The following SRRM4 variants were observed in gnomAD, a reference collection of about 807,000 sequenced individuals.
The protein encoded by SRRM4 is serine/arginine repetitive matrix protein 4.
In SRRM4, 33 loss-of-function variants were observed where a neutral mutation model predicts 68.9. That is an observed-to-expected ratio of 0.48 (90% CI 0.36 to 0.64). The LOEUF (loss-of-function observed/expected upper bound fraction) is 0.64, where lower values mean the gene tolerates loss of function less well. SRRM4 is among the 30% of genes least tolerant of loss of function. The pLI, the probability that SRRM4 is intolerant of heterozygous loss-of-function variation, is 0.00. For missense variants in SRRM4, 817 were observed against 827.1 expected, an observed-to-expected ratio of 0.99 and a Z score of 0.15; for synonymous variants, 318 against 318.8, an observed-to-expected ratio of 1.00 and a Z score of 0.03.
chr12:119,065,698 G>T (rs895856288), intron 1 of SRRM4, among the ~76,000 whole-genome samples: 57 of 152,284 alleles, frequency 3.7e-4, no homozygotes, highest in African/African-American at 1.4e-3. Context: ...GTTGCAGTGA[G>T]CCGAGATTGT....
chr12:119,140,377 C>A (rs866564798), intron 8 of SRRM4, among the ~76,000 whole-genome samples: 38 of 141,236 alleles, frequency 2.7e-4, no homozygotes, highest in South Asian at 4.7e-4. Flanking sequence ...GACTCTGTCT[C>A]AAAAAAAAAA....
intron 1 of SRRM4, among the ~76,000 whole-genome samples, chr12:119,047,818 C>T (rs60978660): frequency 0.088 from 13,336 of 152,220 alleles, 776 homozygotes; most frequent in African/African-American, 0.16. Context: ...TGGAGCAGGT[C>T]ACATGATCAA....
At chr12:119,046,716 A>G (rs939281892) in intron 1 of SRRM4, among the ~76,000 whole-genome samples, 2 of 152,010 alleles carry the variant, frequency 1.3e-5, no homozygotes, top group East Asian at 3.9e-4. Flanking sequence ...CCATTATCCA[A>G]TCTCTCTGAA....
At chr12:119,096,126 T>C (rs554880645) in intron 1 of SRRM4, among the ~76,000 whole-genome samples, 1 of 151,314 alleles carries the variant, frequency 6.6e-6, no homozygotes, top group African/African-American at 2.4e-5. Flanking sequence ...GTTCATGCCA[T>C]TCTCCTGCCT....
At chr12:119,145,212 T>C (rs1388490030) in intron 8 of SRRM4, among the ~76,000 whole-genome samples, 169 bp from the exon 9 acceptor site, 1 of 152,250 alleles carries the variant, frequency 6.6e-6, no homozygotes, top group Non-Finnish European at 1.5e-5. Context: ...CTTTCTGTGG[T>C]ATTCCTTCAG....
At chr12:119,021,350 G>A (rs1261901305) in intron 1 of SRRM4, among the ~76,000 whole-genome samples, 1 of 152,208 alleles carries the variant, frequency 6.6e-6, no homozygotes, top group Admixed American at 6.5e-5. Flanking sequence ...AAAACCACAT[G>A]GAAAAGAGGC....
At position 119,117,153 on chromosome 12, in the gene SRRM4, A is replaced by G. The variant is rs572086456; in HGVS notation, c.437+145A>G. On this transcript the variant is annotated intron_variant, in intron 4 of 12. Coordinates refer to ENST00000267260, the MANE Select transcript of SRRM4 (RefSeq NM_194286.4). ...CTTTTTACGTATTTGTGTCTTGTGT[A>G]AGCTGGGACTGTGGCTGCGAAGACT... The G allele has an allele frequency of 6.3e-5, 45 of 719,362 alleles. No homozygotes were observed. The South Asian group carries it at 7.3e-4, about 12-fold the overall frequency. The allele number at this position is 719,362 out of a possible 1,614,324, so 44.6% of individuals were successfully genotyped here.
chr12:119,141,656 C>A (rs905328973), intron 8 of SRRM4, among the ~76,000 whole-genome samples: 1 of 152,172 alleles, frequency 6.6e-6, no homozygotes, highest in Non-Finnish European at 1.5e-5. Flanking sequence ...GACCGGAGAG[C>A]AAACTTGTTC....
chr12:119,098,314 C>T (rs957749920), intron 1 of SRRM4, among the ~76,000 whole-genome samples: 5 of 152,188 alleles, frequency 3.3e-5, no homozygotes, highest in African/African-American at 9.7e-5. Context: ...TGAGGTTGAA[C>T]AGAGAAGACA....
At chr12:119,066,624 A>C (rs770367237) in intron 1 of SRRM4, among the ~76,000 whole-genome samples, 1 of 152,222 alleles carries the variant, frequency 6.6e-6, no homozygotes, top group Non-Finnish European at 1.5e-5. Context: ...TTTGACAACC[A>C]CTGCTCTAGT....
intron 1 of SRRM4, 24 bp from the exon 2 acceptor site, chr12:119,102,212 G>C (rs373165039): frequency 2.1e-4 from 340 of 1,596,516 alleles, no homozygotes; most frequent in Non-Finnish European, 2.7e-4. Context: ...TAACACTTTT[G>C]TGTCCTTATT....
In SRRM4 at chr12:119,079,444, A is replaced by C. The variant is rs146916926; in HGVS notation, c.132-22792A>C. Among the ~76,000 whole-genome samples the C allele has an allele frequency of 4.6e-3, 695 of 152,302 alleles. 4 individuals are homozygous for C. Among genetic ancestry groups the C allele is most frequent in the Admixed American group, 6.9e-3 (105 of 15,294 alleles). On this transcript the variant is annotated intron_variant, in intron 1 of 12. Transcript: ENST00000267260. The stretch of plus-strand genomic sequence containing the variant: ...AGAGAGATGGGAGACAGAGAGACCA[A>C]TTAGAAGGCTACAGTCCAAGATCTG...
intron 2 of SRRM4, among the ~76,000 whole-genome samples, chr12:119,109,844 G>A (rs542327666): frequency 2.0e-4 from 30 of 152,262 alleles, no homozygotes; most frequent in South Asian, 1.2e-3. Context: ...GTCATTCTCC[G>A]TCCAGCTTTG....
rs751599648 is a variant in SRRM4, at chr12:118,981,876, G to C, written c.-7G>C. The C allele has an allele frequency of 4.3e-6, 7 of 1,613,224 alleles. No homozygotes were observed. Among genetic ancestry groups the C allele is most frequent in the Non-Finnish European group, 5.9e-6 (7 of 1,179,550 alleles). ...GCCCCGGACGCCCCGGCCCCTTTGG[G>C]TTGGCGATGGCGAGCGTTCAGCAAG... is the stretch of plus-strand genomic sequence containing the variant. On this transcript the variant is annotated 5_prime_UTR_variant, in exon 1 of 13. Coordinates refer to ENST00000267260, the MANE Select transcript of SRRM4 (RefSeq NM_194286.4).
At chr12:119,070,724 G>A (rs1472285242) in intron 1 of SRRM4, among the ~76,000 whole-genome samples, 1 of 152,220 alleles carries the variant, frequency 6.6e-6, no homozygotes. Flanking sequence ...AGAAACTGCT[G>A]CTTTCATATC....
chr12:119,128,058 G>A (rs569297701), intron 7 of SRRM4, among the ~76,000 whole-genome samples: 1 of 152,302 alleles, frequency 6.6e-6, no homozygotes, highest in African/African-American at 2.4e-5. Flanking sequence ...CCCAGGTGAT[G>A]TGTGGGAAGC....
At chr12:119,035,297 T>C (rs1453872379) in intron 1 of SRRM4, among the ~76,000 whole-genome samples, 1 of 152,196 alleles carries the variant, frequency 6.6e-6, no homozygotes, top group Non-Finnish European at 1.5e-5. Flanking sequence ...GCAGTAGTAA[T>C]TCTCCCCTGC....
intron 1 of SRRM4, among the ~76,000 whole-genome samples, chr12:119,077,696 G>A (rs778256712): frequency 1.3e-5 from 2 of 152,090 alleles, no homozygotes; most frequent in Non-Finnish European, 2.9e-5. Flanking sequence ...TTTAATTCAA[G>A]GGTTATGTAT....
chr12:119,118,499 G>C (rs1954196054), intron 4 of SRRM4, among the ~76,000 whole-genome samples: 1 of 152,190 alleles, frequency 6.6e-6, no homozygotes, highest in African/African-American at 2.4e-5. Context: ...GCTCTCACTG[G>C]TTATGTCAAC....
Sources: gnomAD v4.1 joint callset for allele counts (sites outside exome capture counted in the v4.1 genomes callset) on GRCh38, gnomAD v4.1.1 for gene constraint, MANE v1.5 for transcripts, NCBI Gene and HGNC (gene_info 2026-07-23, HGNC 2026-07-21) for gene names.